Variants in TIMP3 observed in about 807,000 individuals in gnomAD.
TIMP3 encodes metalloproteinase inhibitor 3.
Under a neutral mutation model 30.0 loss-of-function variants are expected in TIMP3, and 11 were observed. That is an observed-to-expected ratio of 0.37 (90% CI 0.23 to 0.61). TIMP3 has a LOEUF of 0.61. Ranked by LOEUF, TIMP3 falls within the 20% of genes least tolerant of loss-of-function variation. The probability of loss-of-function intolerance (pLI) is 0.70; values close to 1 mark genes in which losing one functional copy is unlikely to be tolerated. For synonymous variants in TIMP3, 112 were observed against 111.3 expected (o/e 1.01, Z -0.04); for missense variants, 181 against 276.8 (o/e 0.65, Z 2.45).
At chr22:32,850,261 A>T (rs2146248937) in intron 2 of TIMP3, among the ~76,000 whole-genome samples, 1 of 151,978 alleles carries the variant, frequency 6.6e-6, no homozygotes, top group East Asian at 1.9e-4. Flanking sequence ...TCTACTCCTA[A>T]ATAGCCTGCT....
chr22:32,818,335 T>C (rs1050488912), intron 1 of TIMP3, among the ~76,000 whole-genome samples: 3 of 152,078 alleles, frequency 2.0e-5, no homozygotes, highest in Admixed American at 6.5e-5. Flanking sequence ...CACTCACATT[T>C]AGAATGGGGG....
At chr22:32,822,467 G>T (rs943339518) in intron 1 of TIMP3, among the ~76,000 whole-genome samples, 1 of 152,198 alleles carries the variant, frequency 6.6e-6, no homozygotes, top group African/African-American at 2.4e-5. Flanking sequence ...CTGGTGTGAC[G>T]TCTGGGGAGG....
intron 1 of TIMP3, among the ~76,000 whole-genome samples, chr22:32,841,983 G>A (rs1345704648): frequency 2.0e-5 from 3 of 152,184 alleles, no homozygotes; most frequent in African/African-American, 4.8e-5. Flanking sequence ...CCTGCACCTC[G>A]ATGACCGGAC....
chr22:32,855,972 C>G (rs1188243284), intron 2 of TIMP3, among the ~76,000 whole-genome samples: 4 of 152,080 alleles, frequency 2.6e-5, no homozygotes, highest in African/African-American at 9.7e-5. Context: ...ATAAACGAAC[C>G]CAATGCTTTC....
chr22:32,805,728 T>C lies in TIMP3; in HGVS notation c.121+3606T>C, dbSNP rs960698382. 2.0e-5 allele frequency among the ~76,000 whole-genome samples: 3 copies of C among 150,308 alleles called. No homozygotes were observed. In the Admixed American group the frequency reaches 2.0e-4, roughly 10 times the overall value. On this transcript the variant is annotated intron_variant, in intron 1 of 4. Coordinates refer to ENST00000266085, the MANE Select transcript of TIMP3 (RefSeq NM_000362.5). ...CTGTGCTTGTCCAAGGCCACCCAGT[T>C]GCTAAATGATAAAGCTAAAACGTAT...
At chr22:32,816,661 C>CAAG (rs2047094757) in intron 1 of TIMP3, among the ~76,000 whole-genome samples, 1 of 152,182 alleles carries the variant, frequency 6.6e-6, no homozygotes, top group Non-Finnish European at 1.5e-5. Flanking sequence ...GCCCTATCAT[C>CAAG]AAGACTTCAG....
Position 32,801,780 on chromosome 22 carries a change from TCGCCGGGAGGCCGCC to T in TIMP3, c.-216_-202del. The T allele has an allele frequency of 3.1e-6, 1 of 327,180 alleles. No homozygotes were observed. Among genetic ancestry groups the T allele is most frequent in the East Asian group, 7.5e-5 (1 of 13,422 alleles). The allele number at this position is 327,180 out of a possible 1,614,324, so 20.3% of individuals were successfully genotyped here. A position where few individuals can be genotyped will look rare whatever the true frequency, so the allele number is the denominator to read the frequency against. The stretch of plus-strand genomic sequence containing the variant: ...TCTTGCTCCTCCAGCTCCTGCTCCT[TCGCCGGGAGGCCGCC>T]CGCCGAGTCCTGCGCCAGCGCCGAG... On this transcript the variant is annotated 5_prime_UTR_variant, in exon 1 of 5. Coordinates refer to ENST00000266085, the MANE Select transcript of TIMP3 (RefSeq NM_000362.5). This position sits in a 1 kb window ranked among gnomAD's most constrained non-coding sequence, Gnocchi z 4.7.
chr22:32,855,188 G>A (rs1253761688), intron 2 of TIMP3, among the ~76,000 whole-genome samples: 1 of 152,144 alleles, frequency 6.6e-6, no homozygotes, highest in Non-Finnish European at 1.5e-5. Context: ...CAACACCTTG[G>A]TGCCCCACCG....
chr22:32,822,619 G>A (rs1190809760), intron 1 of TIMP3, among the ~76,000 whole-genome samples: 1 of 152,178 alleles, frequency 6.6e-6, no homozygotes, highest in African/African-American at 2.4e-5. Flanking sequence ...TAATCTAAAT[G>A]TCTATTGCAA....
At chr22:32,854,454 A>G (rs781676650) in intron 2 of TIMP3, among the ~76,000 whole-genome samples, 1 of 152,212 alleles carries the variant, frequency 6.6e-6, no homozygotes, top group Non-Finnish European at 1.5e-5. Context: ...AGACTGACGC[A>G]GAAGGAATGA....
At position 32,839,018 on chromosome 22, in the gene TIMP3, C is replaced by T. The variant is rs1166476234; in HGVS notation, c.122-10434C>T. ...TGGCCTGGGGTGGACAGAAGGCTTC[C>T]TGGAGGAGGTAGCATTTCAGCTGGG... On this transcript the variant is annotated intron_variant, in intron 1 of 4. Transcript: ENST00000266085. Among the ~76,000 whole-genome samples, 6 of 151,410 alleles carry T rather than the reference C, an allele frequency of 4.0e-5. No individual in the cohort carries two copies. In the South Asian group the frequency reaches 1.3e-3, roughly 32 times the overall value.
intron 1 of TIMP3, among the ~76,000 whole-genome samples, chr22:32,830,140 G>C (rs557857972): frequency 6.6e-6 from 1 of 152,180 alleles, no homozygotes; most frequent in African/African-American, 2.4e-5. Flanking sequence ...GTCCCAGCTA[G>C]TACTTTGCAT....
At chr22:32,838,126 A>T (rs572318444) in intron 1 of TIMP3, among the ~76,000 whole-genome samples, 1 of 152,180 alleles carries the variant, frequency 6.6e-6, no homozygotes, top group Non-Finnish European at 1.5e-5. Context: ...AAAGGTAGGA[A>T]CCTTGTCTGC....
intron 1 of TIMP3, among the ~76,000 whole-genome samples, chr22:32,833,605 G>C (rs2047641911): frequency 1.3e-5 from 2 of 152,298 alleles, no homozygotes; most frequent in Middle Eastern, 3.4e-3. Context: ...CCATGCCACT[G>C]TGCCGTAGTT....
At position 32,859,485 on chromosome 22, in the gene TIMP3, A is replaced by T. The variant is rs2048476132; in HGVS notation, c.*108A>T. On this transcript the variant is annotated 3_prime_UTR_variant, in exon 5 of 5. Transcript: ENST00000266085. Reference sequence around the variant, plus strand: ...GAAATTAGTGCCTGTTTTCTTGCAAATTTAGCACTTGGAACATTTAAAGAA... The same window carrying T: ...GAAATTAGTGCCTGTTTTCTTGCAATTTTAGCACTTGGAACATTTAAAGAA... 7.4e-7 allele frequency: 1 copy of T among 1,358,046 alleles called. No homozygotes were observed. The highest frequency in any genetic ancestry group is 1.4e-5 in the African/African-American group (1 of 69,080). 84.1% of individuals were successfully genotyped at this position (1,358,046 alleles called of 1,614,324 possible). A position where few individuals can be genotyped will look rare whatever the true frequency, so the allele number is the denominator to read the frequency against.
Position 32,818,311 on chromosome 22 carries a change from C to T in TIMP3, c.121+16189C>T, listed in dbSNP as rs550049954. 3.9e-5 allele frequency among the ~76,000 whole-genome samples: 6 copies of T among 152,224 alleles called. No homozygotes were observed. The East Asian group carries it at 5.8e-4, about 15-fold the overall frequency. ...CAAGGACGGGCACATCCAGCCTATG[C>T]GGTCCATCAGGGGCACTCACATTTA... is the stretch of plus-strand genomic sequence containing the variant. On this transcript the variant is annotated intron_variant, in intron 1 of 4. Transcript: ENST00000266085.
intron 1 of TIMP3, among the ~76,000 whole-genome samples, chr22:32,814,305 G>A (rs55681674): frequency 4.4e-4 from 2 of 4,550 alleles, no homozygotes; most frequent in South Asian, 6.3e-3. Flanking sequence ...AGGAAGGAGA[G>A]AGAGAGAGAG....
At chr22:32,851,449 A>G (rs2048215330) in intron 2 of TIMP3, among the ~76,000 whole-genome samples, 1 of 152,078 alleles carries the variant, frequency 6.6e-6, no homozygotes, top group Non-Finnish European at 1.5e-5. Flanking sequence ...TTAGAGACCA[A>G]ACAACACTTG....
intron 1 of TIMP3, among the ~76,000 whole-genome samples, chr22:32,833,584 G>A (rs2047641427): frequency 6.6e-6 from 1 of 152,212 alleles, no homozygotes; most frequent in Non-Finnish European, 1.5e-5. Flanking sequence ...TCTGTGGCCT[G>A]TGAAATGTGC....
Sources: allele counts gnomAD v4.1 joint callset (sites outside exome capture counted in the v4.1 genomes callset), GRCh38; gene constraint gnomAD v4.1.1; non-coding constraint Gnocchi (gnomAD v3.1); transcripts MANE v1.5; gene names NCBI Gene and HGNC (gene_info 2026-07-23, HGNC 2026-07-21).